Variants in RXRA observed in about 807,000 individuals in gnomAD.
RXRA encodes the protein retinoic acid receptor RXR-alpha.
RXRA carries 5 observed loss-of-function variants against 44.5 expected under a neutral mutation model. That is an observed-to-expected ratio of 0.11 (90% CI 0.06 to 0.24). RXRA has a LOEUF of 0.24. Among genes scored for constraint, RXRA ranks in the 10% least tolerant of loss-of-function variants. The pLI is 1.00. For synonymous variants in RXRA, 291 were observed against 271.4 expected (o/e 1.07, Z -0.71); for missense variants, 412 against 646.5 (o/e 0.64, Z 3.93).
intron 1 of RXRA, among the ~76,000 whole-genome samples, chr9:134,373,063 C>T (rs926445121): frequency 6.6e-6 from 1 of 152,116 alleles, no homozygotes; most frequent in African/African-American, 2.4e-5. Flanking sequence ...GGGGAGGGGC[C>T]CTGGAGACCA....
At chr9:134,409,645 G>T (rs1831115565) in intron 4 of RXRA, among the ~76,000 whole-genome samples, 1 of 152,212 alleles carries the variant, frequency 6.6e-6, no homozygotes, top group Non-Finnish European at 1.5e-5. Flanking sequence ...ACCTGGGTCG[G>T]AGTCCCGGGC....
At chr9:134,394,638 C>T (rs1161735004) in intron 1 of RXRA, among the ~76,000 whole-genome samples, 1 of 152,192 alleles carries the variant, frequency 6.6e-6, no homozygotes, top group African/African-American at 2.4e-5. Flanking sequence ...AGCTGCCTGG[C>T]CAGCTGCACT....
chr9:134,354,229 C>T (rs934922889), intron 1 of RXRA, among the ~76,000 whole-genome samples: 2 of 152,158 alleles, frequency 1.3e-5, no homozygotes, highest in Non-Finnish European at 2.9e-5. Flanking sequence ...TTCTGCGTGC[C>T]GAGTGCTCCC....
chr9:134,385,388 G>A (rs1055977420), intron 1 of RXRA, among the ~76,000 whole-genome samples: 1 of 152,184 alleles, frequency 6.6e-6, no homozygotes, highest in Non-Finnish European at 1.5e-5. Flanking sequence ...CAAGCCTCTC[G>A]AGGCGGGTTC....
chr9:134,368,470 G>C (rs915033857), intron 1 of RXRA, among the ~76,000 whole-genome samples: 1 of 152,262 alleles, frequency 6.6e-6, no homozygotes, highest in Non-Finnish European at 1.5e-5. Flanking sequence ...GCAGCAGAAG[G>C]CTGCAGAGAG....
chr9:134,408,843 C>T (rs1831099413), intron 3 of RXRA, 97 bp from the exon 4 acceptor site: 1 of 1,223,422 alleles, frequency 8.2e-7, no homozygotes, highest in South Asian at 1.6e-5. Context: ...CTTTCTGAGG[C>T]CTGGCCCGCC....
intron 1 of RXRA, among the ~76,000 whole-genome samples, chr9:134,330,502 A>G (rs1834986350): frequency 6.6e-6 from 1 of 152,134 alleles, no homozygotes; most frequent in South Asian, 2.1e-4. Flanking sequence ...GATCAGTTTC[A>G]GGGTGCTATG....
intron 4 of RXRA, among the ~76,000 whole-genome samples, chr9:134,416,812 C>T (rs1407492393): frequency 2.0e-5 from 3 of 152,204 alleles, no homozygotes; most frequent in Admixed American, 2.0e-4. Flanking sequence ...CACATTGACA[C>T]CTCTTCCAGG....
intron 1 of RXRA, among the ~76,000 whole-genome samples, chr9:134,373,591 CAT>C (rs1466226630): frequency 6.6e-6 from 1 of 152,234 alleles, no homozygotes; most frequent in Non-Finnish European, 1.5e-5. Context: ...ATGGTAGACA[CAT>C]GTGCAGGTCT....
chr9:134,372,600 T>G (rs548691255), intron 1 of RXRA, among the ~76,000 whole-genome samples: 10 of 151,788 alleles, frequency 6.6e-5, no homozygotes, highest in Admixed American at 1.3e-4. Flanking sequence ...TCTTATGGGG[T>G]GGGTGTTATT....
At chr9:134,367,605 T>G (rs1030134391) in intron 1 of RXRA, among the ~76,000 whole-genome samples, 1 of 152,200 alleles carries the variant, frequency 6.6e-6, no homozygotes, top group Non-Finnish European at 1.5e-5. Flanking sequence ...GTCGGTGCAG[T>G]GCGGTGACCC....
intron 1 of RXRA, among the ~76,000 whole-genome samples, chr9:134,394,468 G>A (rs1286862486): frequency 6.6e-6 from 1 of 152,144 alleles, no homozygotes; most frequent in Non-Finnish European, 1.5e-5. Flanking sequence ...TGTTTGGTTG[G>A]TGTCTCCTGA....
rs547414979 is a variant in RXRA at position 134,358,639 on chromosome 9, A to G, written c.28+31980A>G. On this transcript the variant is annotated intron_variant, in intron 1 of 9. Coordinates refer to ENST00000481739, the MANE Select transcript of RXRA (RefSeq NM_002957.6). ...TCCTGTTTGGATGCTGTTCCAGCCC[A>G]GCAGCACTGCCCTAGGCCCTGCCCT... 3.5e-3 allele frequency among the ~76,000 whole-genome samples: 527 copies of G among 152,294 alleles called. 2 individuals carry two copies. Among genetic ancestry groups the G allele is most frequent in the Non-Finnish European group, 5.2e-3 (354 of 68,006 alleles).
At chr9:134,387,167 C>A (rs975149129) in intron 1 of RXRA, among the ~76,000 whole-genome samples, 18 of 152,202 alleles carry the variant, frequency 1.2e-4, no homozygotes, top group African/African-American at 4.3e-4. Context: ...CACACCCATC[C>A]TGCTGGTGGA....
chr9:134,338,585 G>A (rs1435290330), intron 1 of RXRA, among the ~76,000 whole-genome samples: 2 of 152,226 alleles, frequency 1.3e-5, no homozygotes, highest in African/African-American at 4.8e-5. Context: ...GGACAGTTAG[G>A]CCTCCTGCCT....
intron 9 of RXRA, among the ~76,000 whole-genome samples, chr9:134,435,798 C>G (rs937213556): frequency 3.9e-5 from 6 of 152,198 alleles, no homozygotes; most frequent in Non-Finnish European, 4.4e-5. Flanking sequence ...CCCGCAGTCT[C>G]TTGCTGTGAT....
chr9:134,336,379 A>G (rs527818740), intron 1 of RXRA, among the ~76,000 whole-genome samples: 4 of 152,208 alleles, frequency 2.6e-5, no homozygotes, highest in Non-Finnish European at 4.4e-5. Context: ...CCCTGCAGAC[A>G]GTGGGCCTGG....
chr9:134,334,301 G>C (rs927631967), intron 1 of RXRA, among the ~76,000 whole-genome samples: 3 of 152,260 alleles, frequency 2.0e-5, no homozygotes, highest in African/African-American at 4.8e-5. Flanking sequence ...TAGAGAGTGG[G>C]ATCAGAAGCA....
intron 1 of RXRA, among the ~76,000 whole-genome samples, chr9:134,336,084 C>T (rs548673840): frequency 3.5e-4 from 53 of 152,248 alleles, no homozygotes; most frequent in Non-Finnish European, 6.0e-4. Flanking sequence ...GGATCAAGGT[C>T]GAGGTGTAGG....
Sources: allele counts gnomAD v4.1 joint callset (sites outside exome capture counted in the v4.1 genomes callset), GRCh38; gene constraint gnomAD v4.1.1; transcripts MANE v1.5; gene names NCBI Gene and HGNC (gene_info 2026-07-23, HGNC 2026-07-21).